The following EPB41 variants were observed in gnomAD, a reference collection of about 807,000 sequenced individuals.
EPB41 encodes erythrocyte membrane protein band 4.1.
Under a neutral mutation model 108.0 loss-of-function variants are expected in EPB41, and 65 were observed. The observed-to-expected ratio is 0.60, with a 90% CI of 0.49 to 0.74. EPB41 has a LOEUF of 0.74. EPB41 is among the 30% of genes least tolerant of loss of function. The pLI is 0.00. For missense variants in EPB41, 875 were observed against 1,037.0 expected (o/e 0.84, Z 2.15); for synonymous variants, 336 against 358.9 (o/e 0.94, Z 0.72).
chr1:29,114,698 G>A (rs1225699948), intron 19 of EPB41, among the ~76,000 whole-genome samples: 1 of 147,462 alleles, frequency 6.8e-6, no homozygotes, highest in Non-Finnish European at 1.5e-5. Context: ...GAAACAGTAA[G>A]CTCTTTACTG....
At chr1:28,960,031 A>G (rs1461327005) in intron 1 of EPB41, among the ~76,000 whole-genome samples, 3 of 125,510 alleles carry the variant, frequency 2.4e-5, no homozygotes, top group Non-Finnish European at 4.9e-5. Flanking sequence ...ACAGGATCTC[A>G]CTCTGTTTCC....
At chr1:28,922,578 G>A (rs950656731) in intron 1 of EPB41, among the ~76,000 whole-genome samples, 1 of 150,880 alleles carries the variant, frequency 6.6e-6, no homozygotes, top group South Asian at 2.1e-4. Flanking sequence ...GACTACAGGT[G>A]CATGCCACCG....
chr1:28,977,015 G>A (rs1358444976), intron 1 of EPB41, among the ~76,000 whole-genome samples: 1 of 152,058 alleles, frequency 6.6e-6, no homozygotes, highest in Admixed American at 6.6e-5. Flanking sequence ...ACCATGTGCA[G>A]CTAATTGTTG....
intron 1 of EPB41, among the ~76,000 whole-genome samples, chr1:28,968,555 TC>T (rs1222957046): frequency 6.6e-6 from 1 of 152,130 alleles, no homozygotes; most frequent in Non-Finnish European, 1.5e-5. Flanking sequence ...ACTGCCATAT[TC>T]CCAGGGCTTA....
intron 1 of EPB41, among the ~76,000 whole-genome samples, chr1:28,898,016 C>T (rs966654793): frequency 6.6e-6 from 1 of 152,018 alleles, no homozygotes; most frequent in Non-Finnish European, 1.5e-5. Context: ...TCTAGGTAGG[C>T]AATGGCAGGA....
intron 1 of EPB41, among the ~76,000 whole-genome samples, chr1:28,901,219 G>A (rs1457054015): frequency 1.6e-5 from 2 of 123,102 alleles, no homozygotes; most frequent in African/African-American, 2.7e-5. Flanking sequence ...GTGAGCCACT[G>A]CACCCGGCTA....
At chr1:28,901,303 C>T (rs1250600149) in intron 1 of EPB41, among the ~76,000 whole-genome samples, 1 of 138,996 alleles carries the variant, frequency 7.2e-6, no homozygotes, top group East Asian at 2.6e-4. Context: ...CGGCTCACTA[C>T]AACCTCCACC....
intron 1 of EPB41, among the ~76,000 whole-genome samples, chr1:28,923,817 T>G (rs1480969551): frequency 6.6e-6 from 1 of 152,096 alleles, no homozygotes; most frequent in Non-Finnish European, 1.5e-5. Flanking sequence ...AAGGGCAAGT[T>G]TTTTTGTTTT....
At chr1:29,003,370 A>C (rs908326863) in intron 4 of EPB41, among the ~76,000 whole-genome samples, 1 of 152,220 alleles carries the variant, frequency 6.6e-6, no homozygotes. Context: ...CTCTAGTTGC[A>C]CAGTCAGTTT....
At chr1:29,039,138 T>C (rs1191525776) in intron 10 of EPB41, 116 bp from the exon 11 acceptor site, 14 of 1,178,778 alleles carry the variant, frequency 1.2e-5, no homozygotes, top group Non-Finnish European at 1.7e-5. Context: ...TTAGTAACTA[T>C]ATGGAAACCC....
chr1:29,001,267 T>C (rs2096288028), intron 4 of EPB41, among the ~76,000 whole-genome samples: 1 of 151,986 alleles, frequency 6.6e-6, no homozygotes, highest in African/African-American at 2.4e-5. Context: ...GAGGCAGAGG[T>C]CGCAGGGAGC....
At chr1:29,086,083 G>GGAA (rs1239836739) in intron 16 of EPB41, among the ~76,000 whole-genome samples, 1 of 151,982 alleles carries the variant, frequency 6.6e-6, no homozygotes, top group East Asian at 1.9e-4. Context: ...AGACTCTTCA[G>GGAA]GTTTTAAAGA....
intron 18 of EPB41, among the ~76,000 whole-genome samples, chr1:29,110,200 C>T (rs1249767563): frequency 6.7e-6 from 1 of 148,894 alleles, no homozygotes; most frequent in African/African-American, 2.5e-5. Flanking sequence ...AAAAAATGTG[C>T]TGGGCATAAT....
rs2930838 is a variant in EPB41, at chr1:28,987,182, C to A, written c.-7-249C>A. Among the ~76,000 whole-genome samples, 118,967 of 152,128 alleles carry A rather than the reference C, an allele frequency of 0.78. 47,131 individuals are homozygous for A. Among genetic ancestry groups the A allele is most frequent in the East Asian group, 0.92 (4,782 of 5,182 alleles). Reference sequence around the variant, plus strand: ...TGATGTATTTCACTAAGGTGGCCTCCGTGGGTACTATTTTAAGCTACTCTC... The same window carrying A: ...TGATGTATTTCACTAAGGTGGCCTCAGTGGGTACTATTTTAAGCTACTCTC... On this transcript the variant is annotated intron_variant, in intron 1 of 20. Coordinates refer to ENST00000343067, the MANE Select transcript of EPB41 (RefSeq NM_001376013.1).
At chr1:28,932,042 A>G (rs770729974) in intron 1 of EPB41, among the ~76,000 whole-genome samples, 1 of 152,192 alleles carries the variant, frequency 6.6e-6, no homozygotes, top group Non-Finnish European at 1.5e-5. Context: ...ATTTATTGCA[A>G]TTGTTTGGTT....
intron 4 of EPB41, among the ~76,000 whole-genome samples, chr1:29,002,853 G>A (rs954857323): frequency 6.6e-6 from 1 of 152,240 alleles, no homozygotes; most frequent in African/African-American, 2.4e-5. Context: ...GGAAAAAGCT[G>A]ATTAGTTTAC....
At chr1:28,989,501 A>G in intron 2 of EPB41, 1 of 534,006 alleles carries the variant, frequency 1.9e-6, no homozygotes, top group Non-Finnish European at 2.4e-6. Flanking sequence ...TGTTTCTATT[A>G]TAGGTCTGAG....
intron 17 of EPB41, 27 bp downstream of exon 17, chr1:29,097,962 C>T (rs1663798955): frequency 3.7e-6 from 6 of 1,613,786 alleles, no homozygotes; most frequent in Non-Finnish European, 4.2e-6. Flanking sequence ...TGCTTCAGAA[C>T]CAAAGGCTGC....
intron 11 of EPB41, among the ~76,000 whole-genome samples, chr1:29,051,759 A>G (rs943226256): frequency 6.6e-5 from 10 of 152,068 alleles, no homozygotes. Flanking sequence ...TTAGCCAGGC[A>G]TGGTGGCATG....
Sources: gnomAD v4.1 joint callset for allele counts (sites outside exome capture counted in the v4.1 genomes callset) on GRCh38, gnomAD v4.1.1 for gene constraint, MANE v1.5 for transcripts, NCBI Gene and HGNC (gene_info 2026-07-23, HGNC 2026-07-21) for gene names.